Variants in FN3KRP observed in about 807,000 individuals in gnomAD.
FN3KRP encodes the protein fructosamine 3 kinase related protein, also known as ketosamine-3-kinase.
Under a neutral mutation model 29.8 loss-of-function variants are expected in FN3KRP, and 33 were observed. The ratio of observed to expected loss-of-function variants is 1.11; its 90% CI spans 0.84 to 1.48. The LOEUF is 1.48. FN3KRP is among the 40% of genes most tolerant of loss of function. The pLI, the probability that FN3KRP is intolerant of heterozygous loss-of-function variation, is 0.00. For synonymous variants in FN3KRP, 157 were observed against 155.2 expected (o/e 1.01, Z -0.09); for missense variants, 430 against 402.6 (o/e 1.07, Z -0.58).
In FN3KRP at chr17:82,726,887, G is replaced by A. The variant is rs754005412; in HGVS notation, c.646G>A (p.Gly216Arg). The change falls in exon 6 of 6, where the codon GGG (glycine) becomes AGG (arginine). Residue 216 changes from glycine (G) to arginine (R), a missense_variant. Gly to Arg is a moderately radical substitution (Grantham distance 125, BLOSUM62 -2). Transcript: ENST00000269373. ...GGAGATCATCCCAGCCTTACTCCAC[G>A]GGGACCTCTGGGGTGGAAACGTAGC... ...DLEIIPALLH[G>R]DLWGGNVAED... 2.5e-6 allele frequency: 4 copies of A among 1,586,924 alleles called. No individual in the cohort carries two copies. Among genetic ancestry groups the A allele is most frequent in the South Asian group, 1.1e-5 (1 of 87,480 alleles).
intron 4 of FN3KRP, among the ~76,000 whole-genome samples, chr17:82,724,241 C>T (rs555925684): frequency 5.3e-5 from 8 of 152,108 alleles, no homozygotes; most frequent in Non-Finnish European, 1.0e-4. Flanking sequence ...CTGCAGTGAG[C>T]TGTGATTGCA....
chr17:82,722,639 T>C, intron 3 of FN3KRP, 165 bp from the exon 4 acceptor site: 1 of 602,802 alleles, frequency 1.7e-6, no homozygotes, highest in Non-Finnish European at 2.9e-6. Context: ...CAGGCTCTGT[T>C]AGGGGTGTTG....
At chr17:82,724,756 G>C (rs967280161) in intron 4 of FN3KRP, among the ~76,000 whole-genome samples, 1 of 152,198 alleles carries the variant, frequency 6.6e-6, no homozygotes, top group African/African-American at 2.4e-5. Context: ...TGTGATGTGA[G>C]TGTGACTTGG....
Position 82,727,341 on chromosome 17 carries a change from TC to T in FN3KRP, c.*172del. The T allele has an allele frequency of 1.6e-6, 1 of 638,844 alleles. No homozygotes were observed. The highest frequency in any genetic ancestry group is 2.6e-6 in the Non-Finnish European group (1 of 381,370). 39.6% of individuals were successfully genotyped at this position (638,844 alleles called of 1,614,324 possible). A position where few individuals can be genotyped will look rare whatever the true frequency, so the allele number is the denominator to read the frequency against. ...GAAAGGTTTTGTCATCCCAGCGTTGTCCACTTTGTGGGGCTTTGTAGGTAGA... is the reference window on the plus strand; with the variant it reads ...GAAAGGTTTTGTCATCCCAGCGTTGTCACTTTGTGGGGCTTTGTAGGTAGA... On this transcript the variant is annotated 3_prime_UTR_variant, in exon 6 of 6. Coordinates refer to ENST00000269373, the MANE Select transcript of FN3KRP (RefSeq NM_024619.4).
chr17:82,718,301 G>A (rs942231189), intron 1 of FN3KRP: 11 of 528,796 alleles, frequency 2.1e-5, no homozygotes, highest in African/African-American at 1.7e-4. Context: ...TTCTACTCTA[G>A]GGATCACTGC....
intron 2 of FN3KRP, among the ~76,000 whole-genome samples, chr17:82,719,479 C>T (rs1385971815): frequency 6.6e-6 from 1 of 152,240 alleles, no homozygotes; most frequent in Non-Finnish European, 1.5e-5. Flanking sequence ...TGCACGCCGG[C>T]CGCGGTGGCT....
chr17:82,725,065 C>A (rs2046827676), intron 4 of FN3KRP, among the ~76,000 whole-genome samples: 1 of 151,998 alleles, frequency 6.6e-6, no homozygotes, highest in Admixed American at 6.6e-5. Flanking sequence ...CTTGCCTCAA[C>A]CTCCCAAGGT....
At chr17:82,720,404 AG>A in intron 3 of FN3KRP, 41 bp downstream of exon 3, 1 of 1,534,204 alleles carries the variant, frequency 6.5e-7, no homozygotes, top group Non-Finnish European at 9.0e-7. Context: ...CGCCTAGAGG[AG>A]GACGTTCAGC....
At chr17:82,725,898 G>A (rs771103591) in intron 4 of FN3KRP, among the ~76,000 whole-genome samples, 1 of 152,200 alleles carries the variant, frequency 6.6e-6, no homozygotes. Flanking sequence ...GCAGGGCCAG[G>A]TGCAGTGGCC....
chr17:82,719,213 C>T (rs778740280), intron 2 of FN3KRP, among the ~76,000 whole-genome samples, 156 bp downstream of exon 2: 6 of 152,132 alleles, frequency 3.9e-5, no homozygotes, highest in African/African-American at 7.2e-5. Context: ...CTTCATGCCC[C>T]GCCCCGGCTG....
chr17:82,727,113 A>G lies in FN3KRP; in HGVS notation c.872A>G (p.His291Arg). 2 of 1,614,102 alleles carry G rather than the reference A, an allele frequency of 1.2e-6. No homozygotes were observed. The change falls in exon 6 of 6, where the codon CAT becomes CGT. Residue 291 changes from histidine (H) to arginine (R), a missense_variant. His to Arg is a conservative substitution (Grantham distance 29). Coordinates refer to ENST00000269373, the MANE Select transcript of FN3KRP (RefSeq NM_024619.4). ...TTTCACTACTTGAACCACTGGAATCATTTTGGATCGGGGTACAGAGGATCC... is the reference window on the plus strand; with the variant it reads ...TTTCACTACTTGAACCACTGGAATCGTTTTGGATCGGGGTACAGAGGATCC... ...QLFHYLNHWN[H>R]FGSGYRGSSL...
intron 3 of FN3KRP, 24 bp downstream of exon 3, chr17:82,720,387 G>T (rs1374247735): frequency 2.9e-5 from 46 of 1,591,068 alleles, no homozygotes; most frequent in Non-Finnish European, 3.8e-5. Flanking sequence ...CGGGCCACGG[G>T]TGCTCCCGCC....
chr17:82,727,033 CG>C lies in FN3KRP; in HGVS notation c.794del (p.Gly265AlafsTer22). On this transcript the variant is annotated frameshift_variant, in exon 6 of 6. Transcript: ENST00000269373. LOFTEE classifies it high-confidence loss of function. ...GCAGCTCCTTTTACTCCGCCTACCA[CG>C]GCAAAATCCCCAAGGCCCCAGGATT... Reference protein sequence around the residue: ...FSSSFYSAYHGKIPKAPGFEK... With the variant: ...FSSSFYSAYHXKIPKAPGFEK... The C allele has an allele frequency of 6.2e-7, 1 of 1,614,134 alleles. No individual in the cohort carries two copies. Among genetic ancestry groups the C allele is most frequent in the Non-Finnish European group, 8.5e-7 (1 of 1,180,038 alleles).
chr17:82,717,048 G>T, intron 1 of FN3KRP, 152 bp downstream of exon 1: 1 of 1,016,254 alleles, frequency 9.8e-7, no homozygotes, highest in South Asian at 2.0e-5. Flanking sequence ...GGAACCCTTT[G>T]CGCGGGGCGA....
chr17:82,718,401 A>G (rs1598332069), intron 1 of FN3KRP: 3 of 987,464 alleles, frequency 3.0e-6, no homozygotes, highest in Non-Finnish European at 3.6e-6. Context: ...GGTGGTTTCC[A>G]GTGCTGGGCA....
intron 3 of FN3KRP, among the ~76,000 whole-genome samples, chr17:82,722,115 T>C (rs183643689): frequency 8.5e-4 from 128 of 151,438 alleles, no homozygotes; most frequent in African/African-American, 2.6e-3. Context: ...ATTACAGGCA[T>C]GAACCACTGT....
intron 3 of FN3KRP, among the ~76,000 whole-genome samples, chr17:82,721,823 T>TTTATG (rs1240638851): frequency 6.7e-6 from 1 of 149,756 alleles, no homozygotes; most frequent in Non-Finnish European, 1.5e-5. Flanking sequence ...TTTTATGTTT[T>TTTATG]TTATGTTTTG....
intron 1 of FN3KRP, 44 bp from the exon 2 acceptor site, chr17:82,718,862 C>G (rs756962243): frequency 3.1e-6 from 5 of 1,599,862 alleles, no homozygotes; most frequent in African/African-American, 2.7e-5. Context: ...CGGAAGTAAC[C>G]TTGCCTCCCT....
At chr17:82,719,092 T>G in intron 2 of FN3KRP, 35 bp downstream of exon 2, 2 of 1,516,252 alleles carry the variant, frequency 1.3e-6, no homozygotes, top group South Asian at 1.2e-5. Flanking sequence ...CTGGCTTTAT[T>G]ACCTGAGCAG....
Sources: allele counts gnomAD v4.1 joint callset (sites outside exome capture counted in the v4.1 genomes callset), GRCh38; gene constraint gnomAD v4.1.1; transcripts MANE v1.5; gene names NCBI Gene and HGNC (gene_info 2026-07-23, HGNC 2026-07-21).